TDRD9: variants seen among roughly 807,000 people sequenced by gnomAD.
TDRD9 encodes tudor domain containing 9, also known as ATP-dependent RNA helicase TDRD9.
In TDRD9, 124 loss-of-function variants were observed where a neutral mutation model predicts 172.6. The ratio of observed to expected loss-of-function variants is 0.72; its 90% CI spans 0.62 to 0.83. The LOEUF is 0.83. Ranked by LOEUF, TDRD9 falls within the 40% of genes least tolerant of loss-of-function variation. The probability of loss-of-function intolerance (pLI) is 0.00; values close to 1 mark genes in which losing one functional copy is unlikely to be tolerated. For synonymous variants in TDRD9, 619 were observed against 617.1 expected (o/e 1.00, Z -0.05); for missense variants, 1,479 against 1,714.1 (o/e 0.86, Z 2.42).
chr14:104,007,411 G>A (rs1481365716), intron 19 of TDRD9, among the ~76,000 whole-genome samples: 1 of 152,210 alleles, frequency 6.6e-6, no homozygotes, highest in African/African-American at 2.4e-5. Context: ...TTCTCGGGAG[G>A]CCGCTTGCTC....
At position 104,018,163 on chromosome 14, in the gene TDRD9, A is replaced by G. The variant is rs144079167; in HGVS notation, c.2403A>G (p.Gln801=). Residue 801 remains glutamine, a synonymous_variant, in exon 23 of 36, where the codon CAA becomes CAG. Transcript: ENST00000409874. ...AGTCTCTCTTTAGACAGTGTGGTCAAGTCAAATCCATTGTATTTGATGGTG... is the reference window on the plus strand; with the variant it reads ...AGTCTCTCTTTAGACAGTGTGGTCAGGTCAAATCCATTGTATTTGATGGTG... ...QLQSLFRQCG[Q]VKSIVFDGAK... The G allele has an allele frequency of 2.5e-6, 4 of 1,604,618 alleles. No homozygotes were observed. Among genetic ancestry groups the G allele is most frequent in the East Asian group, 2.2e-5 (1 of 44,796 alleles).
intron 11 of TDRD9, 22 bp from the exon 12 acceptor site, chr14:103,995,728 T>A: frequency 6.3e-7 from 1 of 1,576,782 alleles, no homozygotes; most frequent in Non-Finnish European, 8.6e-7. Flanking sequence ...GAATGTCAGC[T>A]TTTTTCTTTG....
chr14:104,042,690 G>A (rs959421188), intron 34 of TDRD9, among the ~76,000 whole-genome samples: 7 of 152,276 alleles, frequency 4.6e-5, no homozygotes, highest in African/African-American at 1.7e-4. Flanking sequence ...TGAGGGCCCC[G>A]GGAAGGCCAA....
At chr14:103,975,222 T>C (rs2033186273) in intron 6 of TDRD9, among the ~76,000 whole-genome samples, 167 bp from the exon 7 acceptor site, 1 of 152,234 alleles carries the variant, frequency 6.6e-6, no homozygotes, top group Non-Finnish European at 1.5e-5. Flanking sequence ...CTCTGAACAT[T>C]GTTTAAACTA....
intron 28 of TDRD9, among the ~76,000 whole-genome samples, chr14:104,027,296 T>A (rs969065116): frequency 3.9e-5 from 6 of 152,174 alleles, no homozygotes; most frequent in Non-Finnish European, 4.4e-5. Flanking sequence ...GGGATCCTCC[T>A]GCCTCAGCCT....
intron 9 of TDRD9, among the ~76,000 whole-genome samples, chr14:103,991,603 A>G (rs552202222): frequency 2.4e-4 from 37 of 151,308 alleles, no homozygotes; most frequent in Non-Finnish European, 4.6e-4. Context: ...AGTAGAGATG[A>G]GCTTTCACCA....
intron 8 of TDRD9, among the ~76,000 whole-genome samples, chr14:103,988,127 T>G (rs1266664414): frequency 6.6e-6 from 1 of 152,198 alleles, no homozygotes; most frequent in Non-Finnish European, 1.5e-5. Flanking sequence ...GTCTACTTAG[T>G]GTCTTTGCAT....
chr14:103,952,937 A>G (rs1433253677), intron 1 of TDRD9, among the ~76,000 whole-genome samples: 2 of 151,292 alleles, frequency 1.3e-5, no homozygotes, highest in African/African-American at 2.4e-5. Flanking sequence ...ATGAGGTTTC[A>G]CCATGTTGGC....
At position 104,018,196 on chromosome 14, in the gene TDRD9, A is replaced by G. The variant is rs2034850056; in HGVS notation, c.2432+4A>G. 2 of 1,542,834 alleles carry G rather than the reference A, an allele frequency of 1.3e-6. No individual in the cohort carries two copies. Among genetic ancestry groups the G allele is most frequent in the African/African-American group, 1.4e-5 (1 of 73,440 alleles). ...CCATTGTATTTGATGGTGCAAAGTA[A>G]GTATATTTTTGTAATCAACTGCAAT... is the stretch of plus-strand genomic sequence containing the variant. On this transcript the variant is annotated splice_donor_region_variant and intron_variant, in intron 23 of 35. Coordinates refer to ENST00000409874, the MANE Select transcript of TDRD9 (RefSeq NM_153046.3).
At chr14:104,040,906 G>A (rs1408687827) in intron 33 of TDRD9, among the ~76,000 whole-genome samples, 2 of 152,254 alleles carry the variant, frequency 1.3e-5, no homozygotes, top group African/African-American at 2.4e-5. Context: ...TAATAGAAAT[G>A]TGGGCTCGTA....
intron 1 of TDRD9, among the ~76,000 whole-genome samples, chr14:103,949,710 C>G (rs2031757470): frequency 6.6e-6 from 1 of 152,166 alleles, no homozygotes; most frequent in African/African-American, 2.4e-5. Flanking sequence ...AACAGGGTCT[C>G]ACTCAGTCGC....
chr14:104,046,299 C>A (rs947037672), intron 34 of TDRD9, among the ~76,000 whole-genome samples: 2 of 152,162 alleles, frequency 1.3e-5, no homozygotes, highest in African/African-American at 4.8e-5. Context: ...GGTGCTATAT[C>A]TTAAAAAATC....
At chr14:103,984,143 A>G (rs1595946558) in intron 7 of TDRD9, among the ~76,000 whole-genome samples, 1 of 152,176 alleles carries the variant, frequency 6.6e-6, no homozygotes, top group African/African-American at 2.4e-5. Context: ...AGGGAAACAG[A>G]GCATAAAAGT....
chr14:104,024,800 C>T (rs2035066409), intron 25 of TDRD9, 120 bp downstream of exon 25: 1 of 465,426 alleles, frequency 2.1e-6, no homozygotes, highest in African/African-American at 2.0e-5. Context: ...AGAACTTGTG[C>T]ACCTTGGTAA....
intron 1 of TDRD9, among the ~76,000 whole-genome samples, chr14:103,935,831 T>C (rs1247288104): frequency 2.6e-5 from 4 of 152,154 alleles, no homozygotes; most frequent in Non-Finnish European, 5.9e-5. Flanking sequence ...TTCATGGGAA[T>C]GATTTTGTAT....
chr14:104,031,298 C>A (rs2035272202), intron 29 of TDRD9, 35 bp downstream of exon 29: 3 of 1,525,140 alleles, frequency 2.0e-6, no homozygotes, highest in Non-Finnish European at 2.7e-6. Context: ...AATTTAAAAG[C>A]TTAGTATCAT....
chr14:103,934,242 G>C (rs1369192129), intron 1 of TDRD9, among the ~76,000 whole-genome samples: 1 of 151,910 alleles, frequency 6.6e-6, no homozygotes, highest in African/African-American at 2.4e-5. Flanking sequence ...CAAACTCCTG[G>C]GCTCAAGCAG....
chr14:103,955,582 C>T, intron 1 of TDRD9, 82 bp from the exon 2 acceptor site: 2 of 958,796 alleles, frequency 2.1e-6, no homozygotes, highest in South Asian at 2.0e-5. Context: ...TTTCCTGTGA[C>T]TTAATGTGAA....
At chr14:103,977,983 T>C (rs2033323006) in intron 7 of TDRD9, among the ~76,000 whole-genome samples, 1 of 152,224 alleles carries the variant, frequency 6.6e-6, no homozygotes, top group African/African-American at 2.4e-5. Context: ...GCTGTAAATA[T>C]GTTATTTTAT....
Sources: gnomAD v4.1 joint callset for allele counts (sites outside exome capture counted in the v4.1 genomes callset) on GRCh38, gnomAD v4.1.1 for gene constraint, MANE v1.5 for transcripts, NCBI Gene and HGNC (gene_info 2026-07-23, HGNC 2026-07-21) for gene names.